The following THBD variants were observed in gnomAD, a reference collection of about 807,000 sequenced individuals.
The protein encoded by THBD is CD141 antigen.
For missense variants in THBD, 850 were observed against 816.9 expected, an observed-to-expected ratio of 1.04 and a Z score of -0.49; for synonymous variants, 449 against 374.2, an observed-to-expected ratio of 1.20 and a Z score of -2.31.
rs2122671528 is a variant in THBD at position 23,048,817 on chromosome 20, C to T, written c.688G>A (p.Ala230Thr). ...TCCCTGGCCCAGTGCCCCTGGACCGCTCCGGGCGGCGCGGTGCACATTAGC... is the reference window on the plus strand; with the variant it reads ...TCCCTGGCCCAGTGCCCCTGGACCGTTCCGGGCGGCGCGGTGCACATTAGC... ...LQLMCTAPPG[A>T]VQGHWAREAP... The change falls in exon 1 of 1, where the codon GCG becomes ACG. Residue 230 changes from alanine (A) to threonine (T), a missense_variant. Physicochemically the swap from Ala to Thr is moderately conservative, Grantham distance 58. Coordinates refer to ENST00000377103, the MANE Select transcript of THBD (RefSeq NM_000361.3). 1 of 1,520,232 alleles carries T rather than the reference C, an allele frequency of 6.6e-7. No individual in the cohort carries two copies. The highest frequency in any genetic ancestry group is 2.5e-5 in the East Asian group (1 of 40,634). The allele number at this position is 1,520,232 out of a possible 1,614,324, so 94.2% of individuals were successfully genotyped here. A position where few individuals can be genotyped will look rare whatever the true frequency, so the allele number is the denominator to read the frequency against.
Position 23,049,574 on chromosome 20 carries a change from G to A in THBD, c.-70C>T. On this transcript the variant is annotated 5_prime_UTR_variant, in exon 1 of 1. Coordinates refer to ENST00000377103, the MANE Select transcript of THBD (RefSeq NM_000361.3). ...ACTGCGACAGGGCCGTGCCGGAGCA[G>A]AGGGGCACAGGACGCCGATGGCGAC... The A allele has an allele frequency of 6.5e-7, 1 of 1,535,568 alleles. No individual in the cohort carries two copies. The highest frequency in any genetic ancestry group is 8.8e-7 in the Non-Finnish European group (1 of 1,135,936).
rs1060499909 is a variant in THBD, at chr20:23,049,049, G to T, written c.456C>A (p.Ile152=). The T allele has an allele frequency of 1.3e-6, 2 of 1,570,562 alleles. No individual in the cohort carries two copies. Among genetic ancestry groups the T allele is most frequent in the South Asian group, 1.2e-5 (1 of 86,314 alleles). Residue 152 remains isoleucine (I), a synonymous_variant, in exon 1 of 1, where the codon ATC becomes ATA. Transcript: ENST00000377103. ...AAEATVPSEP[I]WEEQQCEVKA... ...TCACTTCGCACTGCTGCTCCTCCCA[G>T]ATCGGCTCGCTGGGCACAGTGGCCT...
Position 23,047,150 on chromosome 20 carries a change from AGAAGTAG to A in THBD, c.*620_*626del, listed in dbSNP as rs1984591221. ...GTCTGAGCAGACAGCTAAGAGCAAA[AGAAGTAG>A]GGTCAGGCACAGGTAGGGTGACTCA... is the stretch of plus-strand genomic sequence containing the variant. On this transcript the variant is annotated 3_prime_UTR_variant, in exon 1 of 1. Coordinates refer to ENST00000377103, the MANE Select transcript of THBD (RefSeq NM_000361.3). 1 of 152,368 alleles carries A rather than the reference AGAAGTAG, an allele frequency of 6.6e-6. No individual in the cohort carries two copies. Among genetic ancestry groups the A allele is most frequent in the African/African-American group, 2.4e-5 (1 of 41,556 alleles). 9.4% of individuals were successfully genotyped at this position (152,368 alleles called of 1,614,324 possible). A position where few individuals can be genotyped will look rare whatever the true frequency, so the allele number is the denominator to read the frequency against.
At position 23,045,883 on chromosome 20, in the gene THBD, G is replaced by C. The variant is rs865792781; in HGVS notation, c.*1894C>G. The C allele has an allele frequency of 2.0e-5, 3 of 152,182 alleles. No individual in the cohort carries two copies. Among genetic ancestry groups the C allele is most frequent in the Middle Eastern group, 3.2e-3 (1 of 316 alleles). 9.4% of individuals were successfully genotyped at this position (152,182 alleles called of 1,614,324 possible). ...ACCACCAGACAACACAAGTGCTGGGGTACAGGGCAGCCCTCCATGCATCTC... is the reference window on the plus strand; with the variant it reads ...ACCACCAGACAACACAAGTGCTGGGCTACAGGGCAGCCCTCCATGCATCTC... On this transcript the variant is annotated 3_prime_UTR_variant, in exon 1 of 1. Transcript: ENST00000377103.
rs1800578 is a variant in THBD at position 23,048,022 on chromosome 20, G to T, written c.1483C>A (p.Pro495Thr). The T allele has an allele frequency of 3.1e-6, 5 of 1,609,606 alleles. No individual in the cohort carries two copies. In the African/African-American group the frequency reaches 5.3e-5, roughly 17 times the overall value. The change falls in exon 1 of 1, where the codon CCC becomes ACC. Residue 495 changes from proline (P) to threonine (T), a missense_variant. Coordinates refer to ENST00000377103, the MANE Select transcript of THBD (RefSeq NM_000361.3). ...GAGCCGGGCGTCGGGCTGGGCGGGG[G>T]CTCGCCAGAGCCGCTGTCGCCACCG... ...VDGGDSGSGE[P>T]PPSPTPGSTL...
rs1984680306 is a variant in THBD at position 23,049,355 on chromosome 20, C to G, written c.150G>C (p.Gln50His). 2.5e-6 allele frequency: 4 copies of G among 1,605,954 alleles called. No individual in the cohort carries two copies. The African/African-American group carries it at 5.3e-5, about 21-fold the overall frequency. ...PGPATFLNASQICDGLRGHLM... is the reference protein window; with the variant it reads ...PGPATFLNASHICDGLRGHLM... Reference sequence around the variant, plus strand: ...GGTGGCCCCGCAGTCCGTCGCAGATCTGACTGGCATTGAGGAAGGTCGCGG... The same window carrying G: ...GGTGGCCCCGCAGTCCGTCGCAGATGTGACTGGCATTGAGGAAGGTCGCGG... Residue 50 changes from glutamine to histidine, a missense_variant, in exon 1 of 1, where the codon CAG becomes CAC. Physicochemically the swap from Gln to His is conservative, Grantham distance 24 (BLOSUM62 0). Transcript: ENST00000377103.
rs1313915782 is a variant in THBD, at chr20:23,048,917, C to A, written c.588G>T (p.Pro196=). 52 of 1,526,814 alleles carry A rather than the reference C, an allele frequency of 3.4e-5. No individual in the cohort carries two copies. Among genetic ancestry groups the A allele is most frequent in the East Asian group, 2.2e-4 (9 of 40,534 alleles). 94.6% of individuals were successfully genotyped at this position (1,526,814 alleles called of 1,614,324 possible). ...GGAAGTCCGCTCCGCGGGCCGCGAA[C>A]GGGGTGCCGTAGGTGATCGAGACGG... The part of the protein sequence containing the change: ...AAAVSITYGT[P]FAARGADFQA... Residue 196 remains proline (P), a synonymous_variant, in exon 1 of 1, where the codon CCG becomes CCT. Coordinates refer to ENST00000377103, the MANE Select transcript of THBD (RefSeq NM_000361.3).
In THBD at chr20:23,046,058, C is replaced by G. The variant is rs1415889492; in HGVS notation, c.*1719G>C. On this transcript the variant is annotated 3_prime_UTR_variant, in exon 1 of 1. Coordinates refer to ENST00000377103, the MANE Select transcript of THBD (RefSeq NM_000361.3). ...CATAAGCAAGGATTTTGCCTGTGTT[C>G]TAGATTATCTCCAATAAATAAATAA... 1.3e-5 allele frequency: 2 copies of G among 152,230 alleles called. No individual in the cohort carries two copies. Among genetic ancestry groups the G allele is most frequent in the Non-Finnish European group, 2.9e-5 (2 of 68,030 alleles). The allele number at this position is 152,230 out of a possible 1,614,324, so 9.4% of individuals were successfully genotyped here. A position where few individuals can be genotyped will look rare whatever the true frequency, so the allele number is the denominator to read the frequency against.
rs1259071228 is a variant in THBD, at chr20:23,048,194, G to T, written c.1311C>A (p.Phe437Leu). 1.2e-6 allele frequency: 2 copies of T among 1,614,070 alleles called. No homozygotes were observed. The highest frequency in any genetic ancestry group is 1.7e-6 in the Non-Finnish European group (2 of 1,180,038). The change falls in exon 1 of 1, where the codon TTC becomes TTA. Residue 437 changes from phenylalanine to leucine, a missense_variant. Coordinates refer to ENST00000377103, the MANE Select transcript of THBD (RefSeq NM_000361.3). ...CPEGYILDDG[F>L]ICTDIDECEN... Reference sequence around the variant, plus strand: ...CGCACTCGTCGATGTCCGTGCAGATGAAACCGTCGTCCAGGATGTAGCCTT... The same window carrying T: ...CGCACTCGTCGATGTCCGTGCAGATTAAACCGTCGTCCAGGATGTAGCCTT...
Position 23,048,102 on chromosome 20 carries a change from G to A in THBD, c.1403C>T (p.Pro468Leu), listed in dbSNP as rs1171144525. ...AATGTGGCGGGCAAGGGCCGAGTCG[G>A]GCCCGCAGATGCACTCGAAGGTACC... ...LPGTFECICG[P>L]DSALARHIGT... Residue 468 changes from proline to leucine, a missense_variant, in exon 1 of 1, where the codon CCC becomes CTC. Pro to Leu is a moderately conservative substitution (Grantham distance 98, BLOSUM62 -3). Transcript: ENST00000377103. 1 of 1,613,202 alleles carries A rather than the reference G, an allele frequency of 6.2e-7. No homozygotes were observed. Among genetic ancestry groups the A allele is most frequent in the African/African-American group, 1.3e-5 (1 of 75,064 alleles).
At position 23,047,479 on chromosome 20, in the gene THBD, T is replaced by C; in HGVS notation, c.*298A>G. ...GTCTGCCCAGAAGGCTGCCGACCAA[T>C]AACGCTCACCCTCCTGCGCCCGGTA... On this transcript the variant is annotated 3_prime_UTR_variant, in exon 1 of 1. Coordinates refer to ENST00000377103, the MANE Select transcript of THBD (RefSeq NM_000361.3). 1 of 492,566 alleles carries C rather than the reference T, an allele frequency of 2.0e-6. No individual in the cohort carries two copies. The highest frequency in any genetic ancestry group is 3.6e-6 in the Non-Finnish European group (1 of 278,220). The allele number at this position is 492,566 out of a possible 1,614,324, so 30.5% of individuals were successfully genotyped here.
Position 23,048,792 on chromosome 20 carries a change from T to C in THBD, c.713A>G (p.Glu238Gly), listed in dbSNP as rs779551345. The change falls in exon 1 of 1, where the codon GAG becomes GGG. Residue 238 changes from glutamate (E) to glycine (G), a missense_variant. By Grantham distance (98) the Glu-to-Gly change is moderately conservative. Transcript: ENST00000377103. The stretch of plus-strand genomic sequence containing the variant: ...GCTGCAGTCCCAAGCGCCCGGCGCC[T>C]CCCTGGCCCAGTGCCCCTGGACCGC... ...PGAVQGHWAREAPGAWDCSVE... is the reference protein window; with the variant it reads ...PGAVQGHWARGAPGAWDCSVE... The C allele has an allele frequency of 1.9e-6, 3 of 1,539,836 alleles. No individual in the cohort carries two copies. The highest frequency in any genetic ancestry group is 2.4e-5 in the South Asian group (2 of 84,608).
rs1984604516 is a variant in THBD at position 23,047,639 on chromosome 20, G to A, written c.*138C>T. ...AATCACCCCCTCGCCAGTTAGCCAT[G>A]GAATAGAAGAAAACAGCTTGGGGGG... On this transcript the variant is annotated 3_prime_UTR_variant, in exon 1 of 1. Transcript: ENST00000377103. 3.8e-6 allele frequency: 4 copies of A among 1,052,344 alleles called. No homozygotes were observed. The highest frequency in any genetic ancestry group is 5.4e-6 in the Non-Finnish European group (4 of 745,802). 65.2% of individuals were successfully genotyped at this position (1,052,344 alleles called of 1,614,324 possible). A position where few individuals can be genotyped will look rare whatever the true frequency, so the allele number is the denominator to read the frequency against.
At position 23,048,763 on chromosome 20, in the gene THBD, C is replaced by A; in HGVS notation, c.742G>T (p.Glu248Ter). 6.4e-7 allele frequency: 1 copy of A among 1,557,422 alleles called. No homozygotes were observed. The change falls in exon 1 of 1, where the codon GAG becomes TAG. Residue 248 changes from glutamate to a stop codon, truncating the protein, a stop_gained. Coordinates refer to ENST00000377103, the MANE Select transcript of THBD (RefSeq NM_000361.3). LOFTEE classifies it low-confidence loss of function (END_TRUNC). The part of the protein sequence containing the change: ...EAPGAWDCSV[E>*]NGGCEHACNA... ...CACGCGTGCTCGCAGCCGCCGTTCT[C>A]CACGCTGCAGTCCCAAGCGCCCGGC...
In THBD at chr20:23,048,789, G is replaced by C; in HGVS notation, c.716C>G (p.Ala239Gly). Residue 239 changes from alanine to glycine, a missense_variant, in exon 1 of 1, where the codon GCG becomes GGG. By Grantham distance (60) the Ala-to-Gly change is moderately conservative (BLOSUM62 0). Transcript: ENST00000377103. ...CACGCTGCAGTCCCAAGCGCCCGGC[G>C]CCTCCCTGGCCCAGTGCCCCTGGAC... ...GAVQGHWARE[A>G]PGAWDCSVEN... The C allele has an allele frequency of 1.3e-6, 2 of 1,540,366 alleles. No homozygotes were observed. Among genetic ancestry groups the C allele is most frequent in the African/African-American group, 2.7e-5 (2 of 73,448 alleles).
Position 23,048,008 on chromosome 20 carries a change from C to G in THBD, c.1497G>C (p.Pro499=). 6.2e-7 allele frequency: 1 copy of G among 1,608,628 alleles called. No homozygotes were observed. The highest frequency in any genetic ancestry group is 8.5e-7 in the Non-Finnish European group (1 of 1,177,798). The change falls in exon 1 of 1, where the codon CCG becomes CCC. Residue 499 remains proline, a synonymous_variant. Coordinates refer to ENST00000377103, the MANE Select transcript of THBD (RefSeq NM_000361.3). ...DSGSGEPPPS[P]TPGSTLTPPA... ...GAGGAGTCAAGGTGGAGCCGGGCGT[C>G]GGGCTGGGCGGGGGCTCGCCAGAGC...
rs765445275 is a variant in THBD, at chr20:23,047,768, G to C, written c.*9C>G. 14 of 1,572,856 alleles carry C rather than the reference G, an allele frequency of 8.9e-6. No homozygotes were observed. The highest frequency in any genetic ancestry group is 3.5e-5 in the South Asian group (3 of 86,450). Reference sequence around the variant, plus strand: ...CCTGGACGGAGCCAGGCTCCTGGACGGAGGCCGCTCAGAGTCTCTGCGGCG... The same window carrying C: ...CCTGGACGGAGCCAGGCTCCTGGACCGAGGCCGCTCAGAGTCTCTGCGGCG... On this transcript the variant is annotated 3_prime_UTR_variant, in exon 1 of 1. Coordinates refer to ENST00000377103, the MANE Select transcript of THBD (RefSeq NM_000361.3).
Position 23,047,971 on chromosome 20 carries a change from G to C in THBD, c.1534C>G (p.Leu512Val), listed in dbSNP as rs771192248. 3 of 1,609,092 alleles carry C rather than the reference G, an allele frequency of 1.9e-6. No individual in the cohort carries two copies. Among genetic ancestry groups the C allele is most frequent in the Non-Finnish European group, 2.5e-6 (3 of 1,178,052 alleles). The stretch of plus-strand genomic sequence containing the variant: ...CCTATGAGCAAGCCCGAATGCACGA[G>C]CCCCACGGCCGGAGGAGTCAAGGTG... ...GSTLTPPAVG[L>V]VHSGLLIGIS... is the part of the protein sequence containing the mutation. The change falls in exon 1 of 1, where the codon CTC (leucine) becomes GTC (valine). Residue 512 changes from leucine (L) to valine (V), a missense_variant. By Grantham distance (32) the Leu-to-Val change is conservative. Transcript: ENST00000377103.
At position 23,047,925 on chromosome 20, in the gene THBD, C is replaced by A. The variant is rs895000401; in HGVS notation, c.1580G>T (p.Cys527Phe). 1 of 1,609,808 alleles carries A rather than the reference C, an allele frequency of 6.2e-7. No homozygotes were observed. The highest frequency in any genetic ancestry group is 8.5e-7 in the Non-Finnish European group (1 of 1,178,480). The change falls in exon 1 of 1, where the codon TGC (cysteine) becomes TTC (phenylalanine). Residue 527 changes from cysteine to phenylalanine, a missense_variant. Cys to Phe is a radical substitution (Grantham distance 205). Transcript: ENST00000377103. ...GAGCGCCAAAAGCGCCACCACCAGGCACAGGCTCGCGATGGAGATGCCTAT... is the reference window on the plus strand; with the variant it reads ...GAGCGCCAAAAGCGCCACCACCAGGAACAGGCTCGCGATGGAGATGCCTAT... ...LLIGISIASL[C>F]LVVALLALLC...
Sources: allele counts gnomAD v4.1 joint callset, GRCh38; gene constraint gnomAD v4.1.1; transcripts MANE v1.5; gene names NCBI Gene and HGNC (gene_info 2026-07-23, HGNC 2026-07-21).